GRM4: variants seen among roughly 807,000 people sequenced by gnomAD.
GRM4 encodes the protein glutamate metabotropic receptor 4.
A neutral mutation model predicts 81.7 loss-of-function variants in GRM4; 28 were observed. The ratio of observed to expected loss-of-function variants is 0.34; its 90% confidence interval spans 0.25 to 0.47. The LOEUF is 0.47. Ranked by LOEUF, GRM4 falls within the 20% of genes least tolerant of loss-of-function variation. The pLI is 1.00. For missense variants in GRM4, 948 were observed against 1,290.0 expected (o/e 0.73, Z 4.06); for synonymous variants, 488 against 528.8 (o/e 0.92, Z 1.06).
rs1218843759 is a variant in GRM4, at chr6:34,133,524, G to A, written c.-28C>T. ...CGGAAATCCCTAGAGACCCATGAAC[G>A]GCAGGCCCACTCCTAGCCCTGGCAG... On this transcript the variant is annotated 5_prime_UTR_variant, in exon 2 of 11. Transcript: ENST00000538487. The surrounding 1 kb of genome is among the most constrained non-coding windows in gnomAD (Gnocchi z 6.5). 31 of 1,525,248 alleles carry A rather than the reference G, an allele frequency of 2.0e-5. No homozygotes were observed. The highest frequency in any genetic ancestry group is 4.1e-5 in the African/African-American group (3 of 72,522). 94.5% of individuals were successfully genotyped at this position (1,525,248 alleles called of 1,614,324 possible).
At position 34,130,058 on chromosome 6, in the gene GRM4, G is replaced by T. The variant is rs1384846091; in HGVS notation, c.519+2920C>A. Among the ~76,000 whole-genome samples the T allele has an allele frequency of 6.6e-6, 1 of 152,080 alleles. No individual in the cohort carries two copies. The highest frequency in any genetic ancestry group is 1.5e-5 in the Non-Finnish European group (1 of 68,004). On this transcript the variant is annotated intron_variant, in intron 2 of 10. Coordinates refer to ENST00000538487, the MANE Select transcript of GRM4 (RefSeq NM_000841.4). This position sits in a 1 kb window ranked among gnomAD's most constrained non-coding sequence, Gnocchi z 4.1. ...AATGGACACCTGGTGGTGGGCGCAGGTCCCCTCCCCCAAGGCATCCCTCCC... is the reference window on the plus strand; with the variant it reads ...AATGGACACCTGGTGGTGGGCGCAGTTCCCCTCCCCCAAGGCATCCCTCCC...
At chr6:34,145,095 C>A (rs1770870660) in intron 1 of GRM4, among the ~76,000 whole-genome samples, 1 of 152,074 alleles carries the variant, frequency 6.6e-6, no homozygotes, top group African/African-American at 2.4e-5. Flanking sequence ...CACCGCGCGC[C>A]AGCAAGGTTT....
chr6:34,085,106 G>A (rs1767818912), intron 3 of GRM4, among the ~76,000 whole-genome samples: 1 of 152,168 alleles, frequency 6.6e-6, no homozygotes, highest in Admixed American at 6.5e-5. Flanking sequence ...AACAGGGCTG[G>A]TCGTCTGTTC....
intron 2 of GRM4, chr6:34,103,732 A>G (rs1768971300): frequency 4.0e-6 from 6 of 1,510,918 alleles, no homozygotes; most frequent in Non-Finnish European, 5.3e-6. Context: ...TCAAAGTCCA[A>G]CTCCCATAGG....
chr6:34,089,517 G>A lies in GRM4; in HGVS notation c.736+2366C>T, dbSNP rs1768088314. 1.3e-5 allele frequency among the ~76,000 whole-genome samples: 2 copies of A among 152,056 alleles called. No individual in the cohort carries two copies. On this transcript the variant is annotated intron_variant, in intron 3 of 10. Transcript: ENST00000538487. The surrounding 1 kb of genome is among the most constrained non-coding windows in gnomAD (Gnocchi z 4.3). ...AGGATGTTGCACACTGGCATGGGGTGGCCTTGGAAGTTTGGGGACGTGGGA... is the reference window on the plus strand; with the variant it reads ...AGGATGTTGCACACTGGCATGGGGTAGCCTTGGAAGTTTGGGGACGTGGGA...
intron 3 of GRM4, among the ~76,000 whole-genome samples, chr6:34,084,211 G>T (rs958899402): frequency 2.0e-5 from 3 of 152,236 alleles, no homozygotes; most frequent in Non-Finnish European, 4.4e-5. Context: ...CATCACAGGT[G>T]AGAGGAGGAA....
chr6:34,044,751 T>C (rs796085399), intron 6 of GRM4, among the ~76,000 whole-genome samples: 5 of 132,556 alleles, frequency 3.8e-5, no homozygotes, highest in Admixed American at 7.4e-5. Context: ...TACACATATA[T>C]ACACATACAC....
chr6:34,109,934 AC>A (rs5875488), intron 2 of GRM4, among the ~76,000 whole-genome samples: 65,878 of 151,018 alleles, frequency 0.44, 16,005 homozygotes, highest in Non-Finnish European at 0.54. Flanking sequence ...CATGTACACC[AC>A]CCCCCAGCAG....
intron 9 of GRM4, among the ~76,000 whole-genome samples, chr6:34,033,713 C>T (rs911738954): frequency 6.6e-6 from 1 of 151,574 alleles, no homozygotes; most frequent in African/African-American, 2.4e-5. Context: ...CTTTCTTTCT[C>T]TCTCCCTCTC....
At chr6:34,138,080 A>C (rs956875596) in intron 1 of GRM4, among the ~76,000 whole-genome samples, 2 of 152,186 alleles carry the variant, frequency 1.3e-5, no homozygotes, top group Admixed American at 1.3e-4. Flanking sequence ...TTATTCTTCC[A>C]AAACTAAGAA....
intron 10 of GRM4, among the ~76,000 whole-genome samples, chr6:34,025,777 T>G (rs1317750179): frequency 6.6e-6 from 1 of 152,188 alleles, no homozygotes; most frequent in Non-Finnish European, 1.5e-5. Flanking sequence ...AAACTGACCT[T>G]CTCAGAGCCG....
intron 3 of GRM4, among the ~76,000 whole-genome samples, chr6:34,084,720 T>C (rs1261349174): frequency 6.6e-6 from 1 of 152,086 alleles, no homozygotes; most frequent in Non-Finnish European, 1.5e-5. Flanking sequence ...CCACAGGAGC[T>C]CCAACCCAGG....
At chr6:34,044,184 A>G (rs978940242) in intron 6 of GRM4, among the ~76,000 whole-genome samples, 1 of 150,332 alleles carries the variant, frequency 6.7e-6, no homozygotes, top group African/African-American at 2.5e-5. Context: ...ACATACATAC[A>G]CATATATACA....
upstream of GRM4, among the ~76,000 whole-genome samples, chr6:34,147,341 G>A (rs1478848561): frequency 2.6e-5 from 4 of 152,210 alleles, no homozygotes; most frequent in Non-Finnish European, 5.9e-5. Flanking sequence ...CACACATTTT[G>A]TAGAGATATA....
chr6:34,148,983 T>C (rs554421279), upstream of GRM4, among the ~76,000 whole-genome samples: 9 of 151,190 alleles, frequency 6.0e-5, 1 homozygote, highest in Admixed American at 5.9e-4. Flanking sequence ...AGGCAGGGAG[T>C]TCTAGAGAAA....
chr6:34,028,228 T>G lies in GRM4; in HGVS notation c.2581A>C (p.Lys861Gln). Residue 861 changes from lysine to glutamine, a missense_variant, in exon 10 of 11, where the codon AAA (lysine) becomes CAA (glutamine). Physicochemically the swap from Lys to Gln is moderately conservative, Grantham distance 53. Coordinates refer to ENST00000538487, the MANE Select transcript of GRM4 (RefSeq NM_000841.4). ...ATGGTGGCCGCCGTAACGACGGCTT[T>G]GAGGCTGCGCTTGCGCTTGGGCACG... The part of the protein sequence containing the change: ...QNVPKRKRSL[K>Q]AVVTAATMSN... 1 of 1,614,052 alleles carries G rather than the reference T, an allele frequency of 6.2e-7. No individual in the cohort carries two copies. Among genetic ancestry groups the G allele is most frequent in the Non-Finnish European group, 8.5e-7 (1 of 1,179,998 alleles).
chr6:34,040,399 C>T, intron 7 of GRM4, 85 bp from the exon 8 acceptor site: 2 of 1,489,948 alleles, frequency 1.3e-6, no homozygotes, highest in Admixed American at 3.4e-5. Flanking sequence ...CTCTCTGACA[C>T]ACCCATTCAT....
In GRM4 at chr6:34,048,873, C is replaced by A. The variant is rs949939281; in HGVS notation, c.1168+7671G>T. ...TGTAAGTTTCCTGAGGCCTCCCAGT[C>A]GCGCTTCCTGTACAGCCTGCAGAAC... On this transcript the variant is annotated intron_variant, in intron 6 of 10. Transcript: ENST00000538487. This position sits in a 1 kb window ranked among gnomAD's most constrained non-coding sequence, Gnocchi z 4.0. Among the ~76,000 whole-genome samples the A allele has an allele frequency of 6.6e-6, 1 of 152,086 alleles. No homozygotes were observed. The highest frequency in any genetic ancestry group is 6.5e-5 in the Admixed American group (1 of 15,272).
In GRM4 at chr6:34,092,153, G is replaced by T; in HGVS notation, c.520-54C>A. ...GGCGACTGGCTCCCCACCCTGCCTAGCCAGCCCCATTCCCCTACACACCAA... is the reference window on the plus strand; with the variant it reads ...GGCGACTGGCTCCCCACCCTGCCTATCCAGCCCCATTCCCCTACACACCAA... On this transcript the variant is annotated intron_variant, in intron 2 of 10. Transcript: ENST00000538487. This position sits in a 1 kb window ranked among gnomAD's most constrained non-coding sequence, Gnocchi z 6.8. The T allele has an allele frequency of 1.6e-6, 2 of 1,258,274 alleles. No individual in the cohort carries two copies. The highest frequency in any genetic ancestry group is 2.3e-6 in the Non-Finnish European group (2 of 876,906). 77.9% of individuals were successfully genotyped at this position (1,258,274 alleles called of 1,614,324 possible).
Sources: gnomAD v4.1 joint callset for allele counts (sites outside exome capture counted in the v4.1 genomes callset) on GRCh38, gnomAD v4.1.1 for gene constraint, Gnocchi (gnomAD v3.1) non-coding constraint, MANE v1.5 for transcripts, NCBI Gene and HGNC (gene_info 2026-07-23, HGNC 2026-07-21) for gene names.